OSBPL8: variants seen among roughly 807,000 people sequenced by gnomAD.
OSBPL8 encodes oxysterol-binding protein-related protein 8.
A neutral mutation model predicts 125.5 loss-of-function variants in OSBPL8; 59 were observed. The ratio of observed to expected loss-of-function variants is 0.47; its 90% CI spans 0.38 to 0.58. The LOEUF (loss-of-function observed/expected upper bound fraction) is 0.58. Ranked by LOEUF, OSBPL8 falls within the 20% of genes least tolerant of loss-of-function variation. The pLI is 0.00. For synonymous variants in OSBPL8, 330 were observed against 338.9 expected (o/e 0.97, Z 0.29); for missense variants, 758 against 1,047.8 (o/e 0.72, Z 3.82).
intron 8 of OSBPL8, among the ~76,000 whole-genome samples, chr12:76,396,646 T>TG (rs1953816740): frequency 6.6e-6 from 1 of 151,862 alleles, no homozygotes; most frequent in Non-Finnish European, 1.5e-5. Context: ...CCTAGCTACT[T>TG]GGGGGGCTGC....
chr12:76,502,202 C>A, intron 1 of OSBPL8, among the ~76,000 whole-genome samples: 1 of 147,300 alleles, frequency 6.8e-6, no homozygotes, highest in Non-Finnish European at 1.5e-5. Flanking sequence ...TCTCCTATAG[C>A]CAAGGTGCAT....
At chr12:76,511,042 C>A (rs1182294001) in intron 1 of OSBPL8, among the ~76,000 whole-genome samples, 1 of 152,122 alleles carries the variant, frequency 6.6e-6, no homozygotes, top group Non-Finnish European at 1.5e-5. Context: ...AATGTAATGT[C>A]CCTTAAACAA....
At chr12:76,526,949 C>A (rs1477039919) in intron 1 of OSBPL8, among the ~76,000 whole-genome samples, 1 of 151,870 alleles carries the variant, frequency 6.6e-6, no homozygotes, top group East Asian at 1.9e-4. Context: ...CATGCCTGGC[C>A]AGTAAATCTC....
At chr12:76,536,283 T>TA (rs1592873952) in intron 1 of OSBPL8, among the ~76,000 whole-genome samples, 4 of 151,896 alleles carry the variant, frequency 2.6e-5, no homozygotes, top group Admixed American at 2.6e-4. Flanking sequence ...GGTCAAAAGT[T>TA]AGAGACCTGC....
At chr12:76,518,607 CCT>C (rs1221235231) in intron 1 of OSBPL8, among the ~76,000 whole-genome samples, 1 of 152,370 alleles carries the variant, frequency 6.6e-6, no homozygotes, top group East Asian at 1.9e-4. Context: ...GGGCTCCACC[CCT>C]GAGGCAGGCT....
intron 2 of OSBPL8, among the ~76,000 whole-genome samples, chr12:76,460,124 T>C (rs1050162666): frequency 4.6e-5 from 7 of 152,250 alleles, no homozygotes; most frequent in African/African-American, 1.7e-4. Context: ...ATATTTGTTT[T>C]ATCTTTAGAA....
At chr12:76,535,940 T>C (rs923918044) in intron 1 of OSBPL8, among the ~76,000 whole-genome samples, 2 of 152,164 alleles carry the variant, frequency 1.3e-5, no homozygotes, top group Non-Finnish European at 2.9e-5. Context: ...GTTCTATATC[T>C]GTATCTATTG....
intron 4 of OSBPL8, among the ~76,000 whole-genome samples, chr12:76,420,782 C>A (rs1054537297): frequency 1.3e-5 from 2 of 151,904 alleles, no homozygotes; most frequent in Non-Finnish European, 2.9e-5. Flanking sequence ...TAAGTCACAA[C>A]AAAAAGCCAC....
At chr12:76,392,781 T>A in intron 9 of OSBPL8, 29 bp from the exon 10 acceptor site, 1 of 1,551,690 alleles carries the variant, frequency 6.4e-7, no homozygotes, top group Non-Finnish European at 8.8e-7. Context: ...ATAAGCACTA[T>A]AATTTTTAAA....
At chr12:76,385,687 T>C (rs1340591819) in intron 14 of OSBPL8, among the ~76,000 whole-genome samples, 1 of 152,012 alleles carries the variant, frequency 6.6e-6, no homozygotes, top group Admixed American at 6.6e-5. Flanking sequence ...AGTGTGAGAA[T>C]TAAATTTAAA....
intron 5 of OSBPL8, among the ~76,000 whole-genome samples, chr12:76,408,495 TATC>T (rs1954374122): frequency 6.8e-6 from 1 of 147,002 alleles, no homozygotes; most frequent in African/African-American, 2.5e-5. Flanking sequence ...TAGCTATTAA[TATC>T]ATTGTAACTA....
chr12:76,442,356 CA>C (rs1290226787), intron 4 of OSBPL8, among the ~76,000 whole-genome samples: 3 of 151,990 alleles, frequency 2.0e-5, no homozygotes, highest in African/African-American at 4.8e-5. Flanking sequence ...CTGAATTTGC[CA>C]AATATTATAT....
chr12:76,516,039 A>T (rs1881499710), intron 1 of OSBPL8, among the ~76,000 whole-genome samples: 1 of 152,236 alleles, frequency 6.6e-6, no homozygotes, highest in Non-Finnish European at 1.5e-5. Context: ...GAGGTATGCA[A>T]AGAAAATGCA....
chr12:76,523,944 C>G (rs1376978439), intron 1 of OSBPL8, among the ~76,000 whole-genome samples: 1 of 152,046 alleles, frequency 6.6e-6, no homozygotes, highest in African/African-American at 2.4e-5. Flanking sequence ...AATGGCAAAG[C>G]ATAACTTCCC....
chr12:76,424,916 G>A (rs956756762), intron 4 of OSBPL8, among the ~76,000 whole-genome samples: 4 of 152,118 alleles, frequency 2.6e-5, no homozygotes, highest in Middle Eastern at 3.2e-3. Context: ...ATTTGACACT[G>A]CAAAGCTCGA....
intron 13 of OSBPL8, 45 bp downstream of exon 13, chr12:76,386,534 T>C (rs1480580200): frequency 1.3e-6 from 2 of 1,492,890 alleles, no homozygotes; most frequent in Non-Finnish European, 1.8e-6. Context: ...ATATAAAGAA[T>C]TCATAAAACA....
At chr12:76,431,006 C>T (rs1378417268) in intron 4 of OSBPL8, among the ~76,000 whole-genome samples, 2 of 152,046 alleles carry the variant, frequency 1.3e-5, no homozygotes. Flanking sequence ...AAATAAATCA[C>T]TTTTATTACT....
At chr12:76,430,459 T>C (rs1401152185) in intron 4 of OSBPL8, among the ~76,000 whole-genome samples, 1 of 152,200 alleles carries the variant, frequency 6.6e-6, no homozygotes, top group African/African-American at 2.4e-5. Flanking sequence ...CTCCTTCAAA[T>C]GCAGACACTA....
chr12:76,436,901 G>A (rs1871526028), intron 4 of OSBPL8, among the ~76,000 whole-genome samples: 1 of 151,902 alleles, frequency 6.6e-6, no homozygotes, highest in Admixed American at 6.6e-5. Context: ...TATCCCTATT[G>A]CCTATAATGC....
Sources: allele counts gnomAD v4.1 joint callset (sites outside exome capture counted in the v4.1 genomes callset), GRCh38; gene constraint gnomAD v4.1.1; transcripts MANE v1.5; gene names NCBI Gene and HGNC (gene_info 2026-07-23, HGNC 2026-07-21).